CREB3L2: variants seen among roughly 807,000 people sequenced by gnomAD.
CREB3L2 encodes cyclic AMP-responsive element-binding protein 3-like protein 2.
A neutral mutation model predicts 57.2 loss-of-function variants in CREB3L2; 23 were observed. The ratio of observed to expected loss-of-function variants is 0.40; its 90% CI spans 0.29 to 0.57. The LOEUF (loss-of-function observed/expected upper bound fraction) is 0.57, where lower values mean the gene tolerates loss of function less well. Ranked by LOEUF, CREB3L2 falls within the 20% of genes least tolerant of loss-of-function variation. CREB3L2 has a pLI of 0.42. For synonymous variants in CREB3L2, 268 were observed against 265.1 expected, an observed-to-expected ratio of 1.01 and a Z score of -0.11; for missense variants, 628 against 634.7, an observed-to-expected ratio of 0.99 and a Z score of 0.11.
At chr7:137,889,412 C>T (rs1230907083) in intron 8 of CREB3L2, among the ~76,000 whole-genome samples, 1 of 152,218 alleles carries the variant, frequency 6.6e-6, no homozygotes. Flanking sequence ...TTCACGGACA[C>T]ATCCTTTCCC....
In CREB3L2 at chr7:137,880,203, T is replaced by A; in HGVS notation, c.*273A>T. ...GCACTATTGGTGGAAACAAGCCTGC[T>A]TGTCCCACCTCCAACCCCTAAAATA... On this transcript the variant is annotated 3_prime_UTR_variant, in exon 12 of 12. Transcript: ENST00000330387. This position sits in a 1 kb window ranked among gnomAD's most constrained non-coding sequence, Gnocchi z 4.0. The A allele has an allele frequency of 2.0e-6, 1 of 490,226 alleles. No individual in the cohort carries two copies. Among genetic ancestry groups the A allele is most frequent in the African/African-American group, 1.9e-5 (1 of 52,152 alleles). 30.4% of individuals were successfully genotyped at this position (490,226 alleles called of 1,614,324 possible). A position where few individuals can be genotyped will look rare whatever the true frequency, so the allele number is the denominator to read the frequency against.
At chr7:137,955,830 C>A (rs1158548022) in intron 1 of CREB3L2, among the ~76,000 whole-genome samples, 2 of 152,094 alleles carry the variant, frequency 1.3e-5, no homozygotes, top group African/African-American at 4.8e-5. Flanking sequence ...AAGGTCATCG[C>A]CAAGGTCTGA....
At chr7:137,890,907 G>A (rs1029386072) in intron 8 of CREB3L2, among the ~76,000 whole-genome samples, 9 of 152,218 alleles carry the variant, frequency 5.9e-5, no homozygotes, top group Non-Finnish European at 2.9e-5. Flanking sequence ...AAAGTCAACC[G>A]CAGGACAGAT....
chr7:137,897,566 C>T (rs1012979740), intron 8 of CREB3L2, among the ~76,000 whole-genome samples: 19 of 152,244 alleles, frequency 1.2e-4, no homozygotes, highest in Non-Finnish European at 2.6e-4. Context: ...GATGGGGTTT[C>T]ACCATGTTGG....
In CREB3L2 at chr7:137,885,968, C is replaced by T. The variant is rs554843960; in HGVS notation, c.1044-466G>A. 9.9e-5 allele frequency among the ~76,000 whole-genome samples: 15 copies of T among 152,264 alleles called. No homozygotes were observed. The South Asian group carries it at 2.7e-3, about 27-fold the overall frequency. On this transcript the variant is annotated intron_variant, in intron 8 of 11. Coordinates refer to ENST00000330387, the MANE Select transcript of CREB3L2 (RefSeq NM_194071.4). ...AAATGGAGCCCTCATTGATGGGATT[C>T]GTGCCCTTATAAGGAGCTGAAAAGA...
chr7:137,896,171 G>A (rs115017223), intron 8 of CREB3L2, among the ~76,000 whole-genome samples: 2,538 of 152,334 alleles, frequency 0.017, 62 homozygotes, highest in African/African-American at 0.055. Context: ...CGCCACAGAC[G>A]CCCTCGGCAG....
chr7:137,999,590 TCTGCCC>T (rs1380650188), intron 1 of CREB3L2: 1 of 152,180 alleles, frequency 6.6e-6, no homozygotes, highest in Non-Finnish European at 1.5e-5. Flanking sequence ...AACAAACAGC[TCTGCCC>T]CTGGATATCT....
At chr7:137,925,680 C>T (rs1800438571) in intron 2 of CREB3L2, among the ~76,000 whole-genome samples, 1 of 152,156 alleles carries the variant, frequency 6.6e-6, no homozygotes, top group African/African-American at 2.4e-5. Context: ...TCCCAAACAT[C>T]TGCCCATCCA....
chr7:137,962,159 C>T (rs1319222780), intron 1 of CREB3L2, among the ~76,000 whole-genome samples: 1 of 152,188 alleles, frequency 6.6e-6, no homozygotes, highest in African/African-American at 2.4e-5. Flanking sequence ...AAGCGCAAAT[C>T]CAGGGACACT....
At chr7:137,929,365 G>A (rs866342355) in intron 1 of CREB3L2, among the ~76,000 whole-genome samples, 4 of 151,970 alleles carry the variant, frequency 2.6e-5, no homozygotes, top group African/African-American at 7.3e-5. Context: ...TGGATAATTC[G>A]TTGTGAAGGG....
At chr7:137,896,464 G>T (rs1433973877) in intron 8 of CREB3L2, among the ~76,000 whole-genome samples, 1 of 152,130 alleles carries the variant, frequency 6.6e-6, no homozygotes, top group Non-Finnish European at 1.5e-5. Context: ...ACCACGCCCA[G>T]CTAATTTTGT....
chr7:137,889,636 C>T (rs948787856), intron 8 of CREB3L2, among the ~76,000 whole-genome samples: 24 of 152,134 alleles, frequency 1.6e-4, no homozygotes, highest in African/African-American at 5.6e-4. Flanking sequence ...AGAAAGTAAA[C>T]GGAACTGATG....
At chr7:137,949,657 C>A (rs1801060063) in intron 1 of CREB3L2, among the ~76,000 whole-genome samples, 1 of 152,086 alleles carries the variant, frequency 6.6e-6, no homozygotes, top group African/African-American at 2.4e-5. Context: ...TGTCAACACC[C>A]CAATCAAGAT....
intron 1 of CREB3L2, among the ~76,000 whole-genome samples, chr7:137,982,099 A>G (rs952377418): frequency 6.6e-6 from 1 of 152,160 alleles, no homozygotes; most frequent in Non-Finnish European, 1.5e-5. Context: ...CTCAGCTTCT[A>G]CTTTAGAGGT....
chr7:137,950,481 C>T (rs1801074177), intron 1 of CREB3L2, among the ~76,000 whole-genome samples: 1 of 152,176 alleles, frequency 6.6e-6, no homozygotes, highest in Admixed American at 6.5e-5. Context: ...CACCACTGTT[C>T]CCTACTGAGA....
At chr7:137,992,730 G>A (rs1021054482) in intron 1 of CREB3L2, among the ~76,000 whole-genome samples, 5 of 152,256 alleles carry the variant, frequency 3.3e-5, no homozygotes, top group Admixed American at 2.6e-4. Context: ...GCCAGAAAAG[G>A]AGGAAGAACT....
intron 1 of CREB3L2, among the ~76,000 whole-genome samples, chr7:137,961,947 C>G (rs1221890928): frequency 6.6e-6 from 1 of 152,072 alleles, no homozygotes; most frequent in African/African-American, 2.4e-5. Flanking sequence ...GGAAGTTCTT[C>G]TAGGAACTCA....
Position 137,878,974 on chromosome 7 carries a change from C to A in CREB3L2, c.*1502G>T. 2.4e-6 allele frequency: 1 copy of A among 408,520 alleles called. No homozygotes were observed. Among genetic ancestry groups the A allele is most frequent in the Non-Finnish European group, 4.6e-6 (1 of 218,330 alleles). The allele number at this position is 408,520 out of a possible 1,614,324, so 25.3% of individuals were successfully genotyped here. Reference sequence around the variant, plus strand: ...GAGAGAGAGAGGGAGAGAGAGAAGCCAAAACCAAAGGCATTTCAGCTGCTA... The same window carrying A: ...GAGAGAGAGAGGGAGAGAGAGAAGCAAAAACCAAAGGCATTTCAGCTGCTA... On this transcript the variant is annotated 3_prime_UTR_variant, in exon 12 of 12. Coordinates refer to ENST00000330387, the MANE Select transcript of CREB3L2 (RefSeq NM_194071.4).
At position 137,885,066 on chromosome 7, in the gene CREB3L2, G is replaced by C. The variant is rs1185046084; in HGVS notation, c.1199C>G (p.Pro400Arg). 2.5e-6 allele frequency: 4 copies of C among 1,614,050 alleles called. No homozygotes were observed. The South Asian group carries it at 4.4e-5, about 18-fold the overall frequency. ...AFGSFFQGYG[P>R]YPSATKMALP... ...AGCCATCTTGGTGGCAGAAGGATAG[G>C]GCCCGTAGCCTTGAAAGAAGCTGCC... Residue 400 changes from proline to arginine, a missense_variant, in exon 10 of 12, where the codon CCC becomes CGC. Physicochemically the swap from Pro to Arg is moderately radical, Grantham distance 103 (BLOSUM62 -2). Transcript: ENST00000330387.
Sources: gnomAD v4.1 joint callset for allele counts (sites outside exome capture counted in the v4.1 genomes callset) on GRCh38, gnomAD v4.1.1 for gene constraint, Gnocchi (gnomAD v3.1) non-coding constraint, MANE v1.5 for transcripts, NCBI Gene and HGNC (gene_info 2026-07-23, HGNC 2026-07-21) for gene names.